The following CRY1 variants were observed in gnomAD, a reference collection of about 807,000 sequenced individuals.
CRY1 encodes cryptochrome-1.
CRY1 carries 45 observed loss-of-function variants against 76.0 expected under a neutral mutation model. That is an observed-to-expected ratio of 0.59 (90% CI 0.47 to 0.76). The LOEUF is 0.76. Ranked by LOEUF, CRY1 falls within the 30% of genes least tolerant of loss-of-function variation. CRY1 has a pLI of 0.00. For synonymous variants in CRY1, 248 were observed against 244.0 expected (o/e 1.02, Z -0.15); for missense variants, 587 against 716.4 (o/e 0.82, Z 2.06).
chr12:107,050,836 G>A (rs1952909918), intron 1 of CRY1, among the ~76,000 whole-genome samples: 1 of 152,164 alleles, frequency 6.6e-6, no homozygotes, highest in African/African-American at 2.4e-5. Flanking sequence ...GGACAAATGG[G>A]TGTTTGGATG....
chr12:106,994,672 G>A (rs963081945), intron 10 of CRY1, among the ~76,000 whole-genome samples: 3 of 152,192 alleles, frequency 2.0e-5, no homozygotes, highest in African/African-American at 7.2e-5. Context: ...ATTAGCTTTT[G>A]AAGATAATTC....
rs867747890 is a variant in CRY1, at chr12:107,009,575, T to A, written c.268-4327A>T. Among the ~76,000 whole-genome samples the A allele has an allele frequency of 7.0e-4, 18 of 25,742 alleles. 1 individual carries two copies. The highest frequency in any genetic ancestry group is 0.036 in the East Asian group (1 of 28). 16.9% of individuals were successfully genotyped at this position (25,742 alleles called of 152,430 possible). A position where few individuals can be genotyped will look rare whatever the true frequency, so the allele number is the denominator to read the frequency against. ...AAAAACAAAAAAACATATATATATA[T>A]ATATATATATATATATATATATATA... On this transcript the variant is annotated intron_variant, in intron 2 of 12. Transcript: ENST00000008527.
chr12:107,010,866 C>A (rs1952437108), intron 2 of CRY1, among the ~76,000 whole-genome samples: 1 of 152,100 alleles, frequency 6.6e-6, no homozygotes, highest in African/African-American at 2.4e-5. Context: ...CCAGCCTTTC[C>A]CCCATCTCTT....
chr12:107,029,322 G>A (rs1286432378), intron 1 of CRY1, among the ~76,000 whole-genome samples: 1 of 152,074 alleles, frequency 6.6e-6, no homozygotes, highest in African/African-American at 2.4e-5. Context: ...CGGACACAGG[G>A]GCTCATGCCT....
intron 1 of CRY1, among the ~76,000 whole-genome samples, chr12:107,050,969 C>A (rs1952912275): frequency 6.6e-6 from 1 of 151,910 alleles, no homozygotes; most frequent in Admixed American, 6.6e-5. Flanking sequence ...AGTATGAGAG[C>A]TCTAGAAAAA....
Position 107,001,955 on chromosome 12 carries a change from C to CAA in CRY1, c.411-9_411-8dup. ...ACCATTGAGTTCTATGATCCTATAA[C>CAA]AAGAGTTAGTAAAATGTAGTTAGTA... On this transcript the variant is annotated splice_region_variant and splice_polypyrimidine_tract_variant and intron_variant, in intron 3 of 12. Transcript: ENST00000008527. 6.4e-7 allele frequency: 1 copy of CAA among 1,563,702 alleles called. No homozygotes were observed. Among genetic ancestry groups the CAA allele is most frequent in the Non-Finnish European group, 8.6e-7 (1 of 1,164,388 alleles).
At chr12:107,020,487 C>T (rs913383211) in intron 2 of CRY1, among the ~76,000 whole-genome samples, 14 of 151,544 alleles carry the variant, frequency 9.2e-5, no homozygotes, top group African/African-American at 3.2e-4. Flanking sequence ...CAGATTTCCC[C>T]TTGGTGCTCT....
chr12:107,002,965 A>G (rs1479156850), intron 3 of CRY1, among the ~76,000 whole-genome samples: 1 of 152,206 alleles, frequency 6.6e-6, no homozygotes, highest in Non-Finnish European at 1.5e-5. Flanking sequence ...TTGTAAGTCC[A>G]TTAAATCTTT....
intron 1 of CRY1, among the ~76,000 whole-genome samples, chr12:107,063,483 G>A (rs1255994808): frequency 6.6e-6 from 1 of 152,156 alleles, no homozygotes; most frequent in Non-Finnish European, 1.5e-5. Flanking sequence ...TTTCAATGCT[G>A]ACATGGAGAT....
chr12:107,029,412 G>A (rs1293140393), intron 1 of CRY1, among the ~76,000 whole-genome samples: 1 of 151,790 alleles, frequency 6.6e-6, no homozygotes, highest in Non-Finnish European at 1.5e-5. Context: ...AGCAACATAG[G>A]GAGATCTCAT....
At chr12:107,065,211 T>C (rs1394977346) in intron 1 of CRY1, among the ~76,000 whole-genome samples, 3 of 152,104 alleles carry the variant, frequency 2.0e-5, no homozygotes, top group African/African-American at 7.2e-5. Flanking sequence ...TGGGAATTGC[T>C]TGAACTCAGG....
intron 1 of CRY1, among the ~76,000 whole-genome samples, chr12:107,033,605 T>C (rs1220811928): frequency 6.6e-6 from 1 of 152,096 alleles, no homozygotes; most frequent in East Asian, 1.9e-4. Context: ...GTTACTGTAA[T>C]TCACCTCATT....
rs745722095 is a variant in CRY1, at chr12:107,005,087, A to G, written c.410+19T>C. On this transcript the variant is annotated intron_variant, in intron 3 of 12. Coordinates refer to ENST00000008527, the MANE Select transcript of CRY1 (RefSeq NM_004075.5). ...TGTTATACGCATTTTCCCACAGTAA[A>G]AAAAAAAAAAGGACTCACTTGTCTA... 2 of 1,459,818 alleles carry G rather than the reference A, an allele frequency of 1.4e-6. No individual in the cohort carries two copies. The highest frequency in any genetic ancestry group is 1.8e-6 in the Non-Finnish European group (2 of 1,083,602). 90.4% of individuals were successfully genotyped at this position (1,459,818 alleles called of 1,614,324 possible).
At chr12:107,068,482 G>A (rs926073004) in intron 1 of CRY1, among the ~76,000 whole-genome samples, 1 of 151,870 alleles carries the variant, frequency 6.6e-6, no homozygotes, top group Non-Finnish European at 1.5e-5. Flanking sequence ...TTTTTTTGGA[G>A]AGACAGGGTT....
chr12:107,034,286 T>C (rs1179051185), intron 1 of CRY1, among the ~76,000 whole-genome samples: 3 of 152,070 alleles, frequency 2.0e-5, no homozygotes, highest in Non-Finnish European at 4.4e-5. Context: ...CATCCAGATG[T>C]TACCCTATAT....
intron 7 of CRY1, among the ~76,000 whole-genome samples, chr12:106,998,324 T>TA (rs911356301): frequency 1.1e-4 from 16 of 151,840 alleles, no homozygotes; most frequent in African/African-American, 2.2e-4. Flanking sequence ...GAATGGAAGG[T>TA]AAAAAAAATA....
Position 107,039,076 on chromosome 12 carries a change from G to A in CRY1, c.159-16884C>T, listed in dbSNP as rs562217242. The stretch of plus-strand genomic sequence containing the variant: ...GAAGGCGGAAGTTGCAGTGAGCCGG[G>A]ATCGTGCCATTGTACTCCAGCCTGG... On this transcript the variant is annotated intron_variant, in intron 1 of 12. Coordinates refer to ENST00000008527, the MANE Select transcript of CRY1 (RefSeq NM_004075.5). 2.2e-4 allele frequency among the ~76,000 whole-genome samples: 34 copies of A among 152,180 alleles called. No individual in the cohort carries two copies. In the South Asian group the frequency reaches 6.6e-3, roughly 30 times the overall value.
intron 2 of CRY1, among the ~76,000 whole-genome samples, chr12:107,006,741 T>C (rs1952380761): frequency 6.9e-6 from 1 of 145,266 alleles, no homozygotes; most frequent in African/African-American, 2.5e-5. Flanking sequence ...AACCTCCACC[T>C]CCCAGGTTCA....
chr12:107,022,039 A>G, intron 2 of CRY1, 45 bp downstream of exon 2: 2 of 1,365,494 alleles, frequency 1.5e-6, no homozygotes, highest in Non-Finnish European at 2.1e-6. Context: ...AATATGTAAT[A>G]TTATCTGAGA....
Sources: allele counts gnomAD v4.1 joint callset (sites outside exome capture counted in the v4.1 genomes callset), GRCh38; gene constraint gnomAD v4.1.1; transcripts MANE v1.5; gene names NCBI Gene and HGNC (gene_info 2026-07-23, HGNC 2026-07-21).